Variants in NRG2 observed in about 807,000 individuals in gnomAD.
The protein encoded by NRG2 is neuregulin 2.
In NRG2, 27 loss-of-function variants were observed where a neutral mutation model predicts 73.9. That is an observed-to-expected ratio of 0.37 (90% CI 0.27 to 0.50). NRG2 has a LOEUF of 0.50. Among genes scored for constraint, NRG2 ranks in the 20% least tolerant of loss-of-function variants. The pLI is 0.96. For missense variants in NRG2, 1,126 were observed against 1,210.1 expected, an observed-to-expected ratio of 0.93 and a Z score of 1.03; for synonymous variants, 532 against 541.0, an observed-to-expected ratio of 0.98 and a Z score of 0.23.
rs1237586766 is a variant in NRG2 at position 139,848,224 on chromosome 5, T to C, written c.2246A>G (p.Asn749Ser). 2.5e-6 allele frequency: 3 copies of C among 1,193,190 alleles called. No homozygotes were observed. The highest frequency in any genetic ancestry group is 4.6e-5 in the Admixed American group (1 of 21,910). 73.9% of individuals were successfully genotyped at this position (1,193,190 alleles called of 1,614,324 possible). Residue 749 changes from asparagine to serine, a missense_variant, in exon 10 of 10, where the codon AAC (asparagine) becomes AGC (serine). By Grantham distance (46) the Asn-to-Ser change is conservative. Transcript: ENST00000361474. ...GPRRWRRSRL[N>S]GLAAQRARAA... is the part of the protein sequence containing the mutation. ...CCGTGCGCGCTGCGCCGCCAGCCCG[T>C]TGAGGCGCGAGCGGCGCCAGCGCCG...
chr5:139,992,391 T>C (rs1757704125), intron 1 of NRG2, among the ~76,000 whole-genome samples: 2 of 152,358 alleles, frequency 1.3e-5, no homozygotes, highest in African/African-American at 4.8e-5. Context: ...TGTATTGTTT[T>C]GAGTTTTTTA....
Position 139,904,215 on chromosome 5 carries a change from C to T in NRG2, c.701-16704G>A. 1 of 1,411,900 alleles carries T rather than the reference C, an allele frequency of 7.1e-7. No individual in the cohort carries two copies. The allele number at this position is 1,411,900 out of a possible 1,614,324, so 87.5% of individuals were successfully genotyped here. On this transcript the variant is annotated intron_variant, in intron 1 of 9. Transcript: ENST00000361474. The surrounding 1 kb of genome is among the most constrained non-coding windows in gnomAD (Gnocchi z 6.0). The stretch of plus-strand genomic sequence containing the variant: ...TCACCGCGGCGGCCGCTAGCGCAGC[C>T]TAGACTCACCCGCGCTGCGCTGGGG...
intron 1 of NRG2, among the ~76,000 whole-genome samples, chr5:139,999,616 A>C (rs183179541): frequency 6.6e-6 from 1 of 152,338 alleles, no homozygotes; most frequent in East Asian, 1.9e-4. Flanking sequence ...TGATTATAGT[A>C]CAGCTTCAGT....
intron 1 of NRG2, among the ~76,000 whole-genome samples, chr5:139,937,078 A>G (rs1752905460): frequency 6.6e-6 from 1 of 152,262 alleles, no homozygotes; most frequent in Admixed American, 6.5e-5. Flanking sequence ...TTGGGATTGC[A>G]GGCGTGAGCC....
intron 1 of NRG2, among the ~76,000 whole-genome samples, chr5:139,976,072 G>T (rs1373142147): frequency 2.0e-5 from 3 of 152,156 alleles, no homozygotes; most frequent in African/African-American, 7.2e-5. Context: ...ATGTTGAAAA[G>T]GTGACACAGA....
rs1396865439 is a variant in NRG2, at chr5:140,042,623, G to A, written c.447C>T (p.Thr149=). The A allele has an allele frequency of 6.2e-7, 1 of 1,607,148 alleles. No homozygotes were observed. The highest frequency in any genetic ancestry group is 1.3e-5 in the African/African-American group (1 of 74,774). The change falls in exon 1 of 10, where the codon ACC becomes ACT. Residue 149 remains threonine (T), a synonymous_variant. Coordinates refer to ENST00000361474, the MANE Select transcript of NRG2 (RefSeq NM_004883.3). ...CCCGACCCGAGGCGGGCGGCTCTCG[G>A]GTGCTGTTGGAGCTGGAGCCGCCGG... is the stretch of plus-strand genomic sequence containing the variant. The part of the protein sequence containing the change: ...VPAGGSSSNS[T]REPPASGRVA...
At chr5:139,930,930 G>C (rs190190362) in intron 1 of NRG2, among the ~76,000 whole-genome samples, 77 of 152,350 alleles carry the variant, frequency 5.1e-4, no homozygotes, top group Middle Eastern at 3.4e-3. Flanking sequence ...AGTCAGACTA[G>C]TGGCCAGAAA....
chr5:139,857,441 GA>G (rs767322075), intron 5 of NRG2, among the ~76,000 whole-genome samples: 1 of 152,106 alleles, frequency 6.6e-6, no homozygotes, highest in Non-Finnish European at 1.5e-5. Context: ...TGGATGAGAG[GA>G]CTGGTTCCCC....
intron 1 of NRG2, among the ~76,000 whole-genome samples, chr5:139,980,836 T>C (rs1331849011): frequency 1.3e-5 from 2 of 152,192 alleles, no homozygotes; most frequent in African/African-American, 4.8e-5. Context: ...GCAACTCCCT[T>C]TCCCTGGGGA....
intron 1 of NRG2, among the ~76,000 whole-genome samples, chr5:140,032,553 G>A (rs912665463): frequency 1.3e-5 from 2 of 152,154 alleles, no homozygotes; most frequent in Non-Finnish European, 2.9e-5. Context: ...GGAAAAAAGT[G>A]GGCAGTAGAG....
intron 1 of NRG2, among the ~76,000 whole-genome samples, chr5:139,948,568 C>T (rs1753967519): frequency 6.6e-6 from 1 of 152,210 alleles, no homozygotes; most frequent in Non-Finnish European, 1.5e-5. Context: ...ATAACAGCTC[C>T]CATTTACTGA....
At chr5:139,990,873 GT>G (rs201005881) in intron 1 of NRG2, among the ~76,000 whole-genome samples, 1 of 152,136 alleles carries the variant, frequency 6.6e-6, no homozygotes. Context: ...TGTAAGAGTT[GT>G]TTTTTGCGTA....
At chr5:139,888,954 C>G (rs1364367452) in intron 1 of NRG2, among the ~76,000 whole-genome samples, 4 of 152,160 alleles carry the variant, frequency 2.6e-5, no homozygotes, top group Non-Finnish European at 5.9e-5. Flanking sequence ...TAAATGCTCT[C>G]TATGTGCCAG....
intron 2 of NRG2, among the ~76,000 whole-genome samples, chr5:139,883,822 G>A (rs1763697933): frequency 6.6e-6 from 1 of 152,194 alleles, no homozygotes; most frequent in Admixed American, 6.5e-5. Flanking sequence ...GGGCAGAACA[G>A]GGAGAACAGG....
intron 1 of NRG2, among the ~76,000 whole-genome samples, chr5:139,937,890 T>G (rs1206632034): frequency 1.3e-5 from 2 of 152,132 alleles, no homozygotes; most frequent in African/African-American, 4.8e-5. Flanking sequence ...TACACATACA[T>G]TATTTTCAGT....
intron 2 of NRG2, among the ~76,000 whole-genome samples, chr5:139,885,003 A>G (rs1333454952): frequency 6.6e-6 from 1 of 152,138 alleles, no homozygotes; most frequent in Non-Finnish European, 1.5e-5. Flanking sequence ...AGGGGAACAC[A>G]TGAGGGAGAG....
chr5:140,041,405 A>T lies in NRG2; in HGVS notation c.700+965T>A, dbSNP rs148897177. Reference sequence around the variant, plus strand: ...AGTAAGTACTGGATTCAGGGACAAGAAGAAAAAGCTCTTAGACTGACATTT... The same window carrying T: ...AGTAAGTACTGGATTCAGGGACAAGTAGAAAAAGCTCTTAGACTGACATTT... On this transcript the variant is annotated intron_variant, in intron 1 of 9. Coordinates refer to ENST00000361474, the MANE Select transcript of NRG2 (RefSeq NM_004883.3). Among the ~76,000 whole-genome samples, 15 of 152,328 alleles carry T rather than the reference A, an allele frequency of 9.8e-5. No individual in the cohort carries two copies. The East Asian group carries it at 2.9e-3, about 29-fold the overall frequency.
At chr5:139,941,175 CA>C (rs1753370064) in intron 1 of NRG2, among the ~76,000 whole-genome samples, 1 of 152,098 alleles carries the variant, frequency 6.6e-6, no homozygotes, top group Non-Finnish European at 1.5e-5. Flanking sequence ...AGCTAAAGCT[CA>C]GCAGACTTTT....
chr5:139,973,420 C>T (rs373691755), intron 1 of NRG2, among the ~76,000 whole-genome samples: 1 of 152,068 alleles, frequency 6.6e-6, no homozygotes, highest in East Asian at 1.9e-4. Flanking sequence ...TACAGTGGCA[C>T]GATCACAGCT....
Sources: allele counts gnomAD v4.1 joint callset (sites outside exome capture counted in the v4.1 genomes callset), GRCh38; gene constraint gnomAD v4.1.1; non-coding constraint Gnocchi (gnomAD v3.1); transcripts MANE v1.5; gene names NCBI Gene and HGNC (gene_info 2026-07-23, HGNC 2026-07-21).